The following PGAP1 variants were observed in gnomAD, a reference collection of about 807,000 sequenced individuals.
The protein encoded by PGAP1 is GPI inositol-deacylase.
PGAP1 carries 76 observed loss-of-function variants against 127.0 expected under a neutral mutation model. The ratio of observed to expected loss-of-function variants is 0.60; its 90% confidence interval spans 0.50 to 0.72. The LOEUF (loss-of-function observed/expected upper bound fraction) is 0.72, where lower values mean the gene tolerates loss of function less well. Among genes scored for constraint, PGAP1 ranks in the 30% least tolerant of loss-of-function variants. The pLI is 0.00. For synonymous variants in PGAP1, 362 were observed against 366.5 expected, an observed-to-expected ratio of 0.99 and a Z score of 0.14; for missense variants, 982 against 1,071.3, an observed-to-expected ratio of 0.92 and a Z score of 1.16.
chr2:196,894,048 A>G (rs1330910750), intron 7 of PGAP1, among the ~76,000 whole-genome samples: 2 of 152,170 alleles, frequency 1.3e-5, no homozygotes, highest in African/African-American at 4.8e-5. Flanking sequence ...TTAATTCACT[A>G]CTTTGTAAGA....
chr2:196,913,203 CAT>C, intron 3 of PGAP1, 150 bp from the exon 4 acceptor site: 1 of 730,608 alleles, frequency 1.4e-6, no homozygotes, highest in Middle Eastern at 2.9e-4. Flanking sequence ...AATACATTTT[CAT>C]ATAGTTTTAA....
chr2:196,925,359 TA>T (rs571627428), intron 1 of PGAP1, among the ~76,000 whole-genome samples: 3,529 of 147,970 alleles, frequency 0.024, 48 homozygotes, highest in Non-Finnish European at 0.038. Flanking sequence ...TCCTTCACCC[TA>T]AAAAAAAAAC....
chr2:196,881,147 T>G (rs1336892535), intron 12 of PGAP1, among the ~76,000 whole-genome samples: 1 of 152,224 alleles, frequency 6.6e-6, no homozygotes, highest in Non-Finnish European at 1.5e-5. Context: ...TGCATTCATT[T>G]GCTAAGGATA....
At position 196,895,157 on chromosome 2, in the gene PGAP1, T is replaced by C. The variant is rs1265374887; in HGVS notation, c.928-1912A>G. ...ACAGTATTTTTGATTCTTAGTAATA[T>C]GGTTATCAAAAATTTCTCATTTTCT... is the stretch of plus-strand genomic sequence containing the variant. On this transcript the variant is annotated intron_variant, in intron 7 of 26. Coordinates refer to ENST00000354764, the MANE Select transcript of PGAP1 (RefSeq NM_024989.4). 3.9e-5 allele frequency among the ~76,000 whole-genome samples: 6 copies of C among 152,312 alleles called. No homozygotes were observed. The South Asian group carries it at 8.3e-4, about 21-fold the overall frequency.
rs1488181217 is a variant in PGAP1, at chr2:196,847,951, A to T, written c.1948T>A (p.Leu650Met). The change falls in exon 21 of 27, where the codon TTG becomes ATG. Residue 650 changes from leucine (L) to methionine (M), a missense_variant. Physicochemically the swap from Leu to Met is conservative, Grantham distance 15. Coordinates refer to ENST00000354764, the MANE Select transcript of PGAP1 (RefSeq NM_024989.4). Reference protein sequence around the residue: ...DPFVIIIKFLLGYKWFKELWD... With the variant: ...DPFVIIIKFLMGYKWFKELWD... ...ATCACAGATAATAAAACTTACCCCA[A>T]CAGAAACTTAATGATAATTACAAAA... The T allele has an allele frequency of 3.2e-6, 5 of 1,574,626 alleles. No individual in the cohort carries two copies. Among genetic ancestry groups the T allele is most frequent in the Non-Finnish European group, 4.3e-6 (5 of 1,161,650 alleles).
intron 4 of PGAP1, among the ~76,000 whole-genome samples, chr2:196,904,414 A>T (rs542230765): frequency 6.6e-6 from 1 of 152,336 alleles, no homozygotes; most frequent in African/African-American, 2.4e-5. Flanking sequence ...CACAGGTCTT[A>T]GAAGCAGGCT....
At chr2:196,916,721 A>G in intron 2 of PGAP1, 128 bp from the exon 3 acceptor site, 1 of 869,996 alleles carries the variant, frequency 1.1e-6, no homozygotes, top group Admixed American at 3.7e-5. Context: ...TCAGGATGAA[A>G]TTCATTAATA....
chr2:196,906,983 C>T (rs905402893), intron 4 of PGAP1, among the ~76,000 whole-genome samples: 17 of 144,626 alleles, frequency 1.2e-4, no homozygotes, highest in African/African-American at 4.6e-4. Context: ...GATTGGTGTA[C>T]CTGAAAGAGA....
Position 196,847,082 on chromosome 2 carries a change from T to C in PGAP1, c.2071A>G (p.Thr691Ala). Residue 691 changes from threonine (T) to alanine (A), a missense_variant, in exon 22 of 27, where the codon ACG becomes GCG. Physicochemically the swap from Thr to Ala is moderately conservative, Grantham distance 58. Transcript: ENST00000354764. ...LISLILFLFG[T>A]CTAYWSGLLS... ...AGGCCACTCCAGTAGGCAGTACACG[T>C]TCCAAACAGAAAGAGAATCAAGGAT... The C allele has an allele frequency of 1.2e-6, 2 of 1,613,664 alleles. No homozygotes were observed. The highest frequency in any genetic ancestry group is 1.7e-6 in the Non-Finnish European group (2 of 1,179,750).
chr2:196,926,629 A>ACCGCCGCCG lies in PGAP1; in HGVS notation c.-22_-14dup, dbSNP rs745913420. ...AGTGAAGAAACATGGTGCCGCCACC[A>ACCGCCGCCG]CCGCCGCCGCCGCCGCCGCCCCCTC... On this transcript the variant is annotated 5_prime_UTR_variant, in exon 1 of 27. Transcript: ENST00000354764. 7 of 1,607,506 alleles carry ACCGCCGCCG rather than the reference A, an allele frequency of 4.4e-6. No homozygotes were observed. Among genetic ancestry groups the ACCGCCGCCG allele is most frequent in the African/African-American group, 1.3e-5 (1 of 74,686 alleles).
intron 20 of PGAP1, among the ~76,000 whole-genome samples, chr2:196,850,952 G>C (rs1700699471): frequency 6.6e-6 from 1 of 151,890 alleles, no homozygotes; most frequent in East Asian, 2.0e-4. Flanking sequence ...TCAATTTATA[G>C]AAAATAGAAA....
chr2:196,859,402 C>G (rs142290265), intron 20 of PGAP1, among the ~76,000 whole-genome samples: 1 of 152,058 alleles, frequency 6.6e-6, no homozygotes, highest in African/African-American at 2.4e-5. Flanking sequence ...AAGCATGGGA[C>G]CTGATGGCTA....
At position 196,884,645 on chromosome 2, in the gene PGAP1, G is replaced by A. The variant is rs1392540621; in HGVS notation, c.1272+779C>T. ...ATAACTAACTTAATTGGAGTTAATC[G>A]TGAAATAATTGGAAACCACCAGATG... On this transcript the variant is annotated intron_variant, in intron 12 of 26. Transcript: ENST00000354764. Among the ~76,000 whole-genome samples, 6 of 152,210 alleles carry A rather than the reference G, an allele frequency of 3.9e-5. No homozygotes were observed. In the South Asian group the frequency reaches 1.0e-3, roughly 26 times the overall value.
At chr2:196,888,134 G>A (rs1559355671) in intron 10 of PGAP1, among the ~76,000 whole-genome samples, 1 of 152,098 alleles carries the variant, frequency 6.6e-6, no homozygotes, top group Non-Finnish European at 1.5e-5. Flanking sequence ...ATGTCAAAAG[G>A]TGAACTAATT....
In PGAP1 at chr2:196,873,578, A is replaced by T. The variant is rs770054925; in HGVS notation, c.1502T>A (p.Ile501Lys). 1 of 1,611,132 alleles carries T rather than the reference A, an allele frequency of 6.2e-7. No homozygotes were observed. Among genetic ancestry groups the T allele is most frequent in the South Asian group, 1.1e-5 (1 of 90,904 alleles). Residue 501 changes from isoleucine (I) to lysine (K), a missense_variant and splice_region_variant, in exon 16 of 27, where the codon ATA (isoleucine) becomes AAA (lysine). Physicochemically the swap from Ile to Lys is moderately radical, Grantham distance 102. Transcript: ENST00000354764. The stretch of plus-strand genomic sequence containing the variant: ...CACGTTGATTTTAAAAGCTTGGTAT[A>T]TCTAATAGAGTTTGACCACAAAAAC... ...YNLELLNFGQIYQAFKINVVS... is the reference protein window; with the variant it reads ...YNLELLNFGQKYQAFKINVVS...
At position 196,839,324 on chromosome 2, in the gene PGAP1, T is replaced by C. The variant is rs1247528491; in HGVS notation, c.*1910A>G. The stretch of plus-strand genomic sequence containing the variant: ...GACAGAATAAAAGACGCAATGTGTA[T>C]CAAAGTTGTTTATAAGTATAGTTAA... On this transcript the variant is annotated 3_prime_UTR_variant, in exon 27 of 27. Coordinates refer to ENST00000354764, the MANE Select transcript of PGAP1 (RefSeq NM_024989.4). 1 of 152,430 alleles carries C rather than the reference T, an allele frequency of 6.6e-6. No homozygotes were observed. Among genetic ancestry groups the C allele is most frequent in the Admixed American group, 6.5e-5 (1 of 15,286 alleles). 9.4% of individuals were successfully genotyped at this position (152,430 alleles called of 1,614,324 possible).
intron 20 of PGAP1, among the ~76,000 whole-genome samples, chr2:196,861,319 T>C (rs1312004940): frequency 6.6e-6 from 1 of 151,792 alleles, no homozygotes; most frequent in Non-Finnish European, 1.5e-5. Flanking sequence ...AAAAGCAAAA[T>C]GAGATAATAT....
chr2:196,924,042 A>G (rs1177260446), intron 1 of PGAP1, among the ~76,000 whole-genome samples: 4 of 152,258 alleles, frequency 2.6e-5, no homozygotes, highest in African/African-American at 7.2e-5. Context: ...GAGATGTTCA[A>G]TTAACTCTGA....
chr2:196,892,478 G>A, intron 8 of PGAP1, 77 bp from the exon 9 acceptor site: 1 of 659,458 alleles, frequency 1.5e-6, no homozygotes. Flanking sequence ...TTGAATCCTG[G>A]TGAAATACTT....
Sources: gnomAD v4.1 joint callset for allele counts (sites outside exome capture counted in the v4.1 genomes callset) on GRCh38, gnomAD v4.1.1 for gene constraint, MANE v1.5 for transcripts, NCBI Gene and HGNC (gene_info 2026-07-23, HGNC 2026-07-21) for gene names.